The following ZNF658 variants were observed in gnomAD, a reference collection of about 807,000 sequenced individuals.
ZNF658 encodes zinc finger protein 658.
In ZNF658, 46 loss-of-function variants were observed where a neutral mutation model predicts 78.0. That is an observed-to-expected ratio of 0.59 (90% CI 0.47 to 0.75). ZNF658 has a LOEUF of 0.75. Ranked by LOEUF, ZNF658 falls within the 30% of genes least tolerant of loss-of-function variation. The pLI is 0.00. For synonymous variants in ZNF658, 279 were observed against 408.4 expected, an observed-to-expected ratio of 0.68 and a Z score of 3.82; for missense variants, 785 against 1,189.3, an observed-to-expected ratio of 0.66 and a Z score of 5.00.
intron 2 of ZNF658, among the ~76,000 whole-genome samples, chr9:66,905,168 C>T (rs866599063): frequency 1.6e-4 from 23 of 142,990 alleles, no homozygotes; most frequent in African/African-American, 3.4e-4. Context: ...CTCCACCTTC[C>T]GGGTTCAAGC....
chr9:66,929,483 A>T (rs1318026999), intron 6 of ZNF658, among the ~76,000 whole-genome samples: 1 of 149,382 alleles, frequency 6.7e-6, no homozygotes, highest in African/African-American at 2.5e-5. Flanking sequence ...CCTAAAATGT[A>T]TAGACAGCCT....
At chr9:66,908,825 G>A (rs1289138896) in intron 4 of ZNF658, 91 bp downstream of exon 4, 6 of 742,844 alleles carry the variant, frequency 8.1e-6, no homozygotes, top group Non-Finnish European at 1.4e-5. Flanking sequence ...CAGCTTTATT[G>A]AGATATAATT....
chr9:66,926,480 C>T (rs1267352907), intron 6 of ZNF658, among the ~76,000 whole-genome samples: 2 of 150,996 alleles, frequency 1.3e-5, no homozygotes, highest in East Asian at 1.9e-4. Flanking sequence ...ACAACATTAT[C>T]AAAAATAATC....
At chr9:66,932,035 A>AGAGG (rs977236312) in exon 7 of ZNF658, 1 of 118,176 alleles carries the variant, frequency 8.5e-6, no homozygotes, top group Non-Finnish European at 1.8e-5. Context: ...GGCTCAATGA[A>AGAGG]GAGGGAGTCA....
At position 66,914,356 on chromosome 9, in the gene ZNF658, T is replaced by G. The variant is rs1822284404; in HGVS notation, c.239-3449T>G. Among the ~76,000 whole-genome samples, 8 of 152,108 alleles carry G rather than the reference T, an allele frequency of 5.3e-5. No individual in the cohort carries two copies. The South Asian group carries it at 1.7e-3, about 32-fold the overall frequency. On this transcript the variant is annotated intron_variant, in intron 4 of 4. Coordinates refer to ENST00000621410, the MANE Select transcript of ZNF658 (RefSeq NM_033160.7). Reference sequence around the variant, plus strand: ...CATAGATTTGTATATTGGCCTTAGATTCTGCCCTTGCTAAAAACACTTATT... The same window carrying G: ...CATAGATTTGTATATTGGCCTTAGAGTCTGCCCTTGCTAAAAACACTTATT...
chr9:66,910,603 TG>T, intron 4 of ZNF658, among the ~76,000 whole-genome samples: 1 of 152,018 alleles, frequency 6.6e-6, no homozygotes, highest in Non-Finnish European at 1.5e-5. Flanking sequence ...GGTCAGGAGA[TG>T]GAGACCATCC....
intron 2 of ZNF658, among the ~76,000 whole-genome samples, chr9:66,906,949 T>A (rs1199298883): frequency 3.3e-5 from 5 of 152,078 alleles, no homozygotes; most frequent in Admixed American, 3.3e-4. Flanking sequence ...TCTTGGATCT[T>A]CAGTATCTTC....
At chr9:66,909,121 G>T (rs1391595467) in intron 4 of ZNF658, among the ~76,000 whole-genome samples, 3 of 151,950 alleles carry the variant, frequency 2.0e-5, no homozygotes, top group Non-Finnish European at 4.4e-5. Context: ...GGCATTTGTG[G>T]ATTTTGGTAT....
rs568776150 is a variant in ZNF658, at chr9:66,920,941, TA to T, written c.*207del. The T allele has an allele frequency of 0.11, 57,603 of 500,994 alleles. 1 individual carries two copies. Among genetic ancestry groups the T allele is most frequent in the South Asian group, 0.15 (5,607 of 37,406 alleles). The allele number at this position is 500,994 out of a possible 1,614,324, so 31.0% of individuals were successfully genotyped here. The stretch of plus-strand genomic sequence containing the variant: ...AAATATTACATTTACCCTTGGCCCT[TA>T]AAAAAAAAAAAGAAAAACCCTCACA... On this transcript the variant is annotated 3_prime_UTR_variant, in exon 5 of 5. Transcript: ENST00000621410.
At chr9:66,925,669 G>A (rs565742323), downstream of ZNF658, among the ~76,000 whole-genome samples, 3 of 152,008 alleles carry the variant, frequency 2.0e-5, no homozygotes, top group African/African-American at 7.2e-5. Flanking sequence ...ATTTAAAGAA[G>A]AATTAATACC....
intron 4 of ZNF658, 136 bp downstream of exon 4, chr9:66,908,870 G>A: frequency 4.9e-6 from 3 of 618,460 alleles, no homozygotes; most frequent in East Asian, 2.8e-5. Context: ...AAAGTGTACA[G>A]GTCAGTGACT....
At chr9:66,901,463 A>G (rs1324382401) in intron 1 of ZNF658, among the ~76,000 whole-genome samples, 3 of 151,318 alleles carry the variant, frequency 2.0e-5, no homozygotes, top group Admixed American at 6.6e-5. Context: ...ATCTGTGTAG[A>G]TGATTGTGAA....
intron 2 of ZNF658, among the ~76,000 whole-genome samples, chr9:66,905,830 T>C (rs1419978302): frequency 6.9e-6 from 1 of 145,418 alleles, no homozygotes; most frequent in East Asian, 2.0e-4. Flanking sequence ...TTTGACCATA[T>C]GTAACATAGT....
intron 6 of ZNF658, among the ~76,000 whole-genome samples, chr9:66,926,565 T>A (rs1310680925): frequency 7.1e-6 from 1 of 140,294 alleles, no homozygotes; most frequent in African/African-American, 2.6e-5. Flanking sequence ...TTAAGAAATT[T>A]AAAAGGACAC....
intron 6 of ZNF658, among the ~76,000 whole-genome samples, chr9:66,930,405 C>A (rs892064057): frequency 2.5e-4 from 36 of 144,728 alleles, no homozygotes; most frequent in African/African-American, 7.2e-4. Context: ...AAGACTTGAC[C>A]TCATTCCCTG....
At chr9:66,908,211 T>C (rs764986337) in intron 2 of ZNF658, 27 bp from the exon 3 acceptor site, 23 of 1,613,716 alleles carry the variant, frequency 1.4e-5, no homozygotes, top group African/African-American at 1.3e-4. Context: ...ACCATTGTTA[T>C]ATTTGTTGTG....
In ZNF658 at chr9:66,919,653, C is replaced by T. The variant is rs1587368244; in HGVS notation, c.2087C>T (p.Ala696Val). Residue 696 changes from alanine to valine, a missense_variant, in exon 5 of 5, where the codon GCC becomes GTC. Physicochemically the swap from Ala to Val is moderately conservative, Grantham distance 64 (BLOSUM62 0). Coordinates refer to ENST00000621410, the MANE Select transcript of ZNF658 (RefSeq NM_033160.7). ...YECSDCEKTFAHNSALKIHQR... is the reference protein window; with the variant it reads ...YECSDCEKTFVHNSALKIHQR... ...TGTAGTGACTGTGAGAAAACTTTTG[C>T]CCATAATTCAGCCCTCAAAATACAT... 3 of 1,611,238 alleles carry T rather than the reference C, an allele frequency of 1.9e-6. No individual in the cohort carries two copies. The East Asian group carries it at 6.7e-5, about 36-fold the overall frequency.
chr9:66,918,812 G>T lies in ZNF658; in HGVS notation c.1246G>T (p.Glu416Ter). Residue 416 changes from glutamate to a stop codon, truncating the protein, a stop_gained, in exon 5 of 5, where the codon GAA becomes TAA. Coordinates refer to ENST00000621410, the MANE Select transcript of ZNF658 (RefSeq NM_033160.7). LOFTEE classifies it high-confidence loss of function. Reference sequence around the variant, plus strand: ...AGGAGAGAAAACTTACCAATATGAGGAATGTGCAAAATCCTTTTGTTCAAG... The same window carrying T: ...AGGAGAGAAAACTTACCAATATGAGTAATGTGCAAAATCCTTTTGTTCAAG... The part of the protein sequence containing the change: ...HSGEKTYQYE[E>*]CAKSFCSSSH... 1 of 1,613,488 alleles carries T rather than the reference G, an allele frequency of 6.2e-7. No individual in the cohort carries two copies. Among genetic ancestry groups the T allele is most frequent in the Non-Finnish European group, 8.5e-7 (1 of 1,179,798 alleles).
Position 66,918,182 on chromosome 9 carries a change from T to G in ZNF658, c.616T>G (p.Trp206Gly). 1.2e-6 allele frequency: 2 copies of G among 1,607,292 alleles called. No homozygotes were observed. Among genetic ancestry groups the G allele is most frequent in the Non-Finnish European group, 1.7e-6 (2 of 1,177,596 alleles). The change falls in exon 5 of 5, where the codon TGG becomes GGG. Residue 206 changes from tryptophan to glycine, a missense_variant. Around this residue, in one of 12 missense-constraint regions of ZNF658, gnomAD observed 393 missense variants for 400.2 expected, o/e 0.98. Transcript: ENST00000621410. The stretch of plus-strand genomic sequence containing the variant: ...TTTCAGTTATAAGAAAGATCAGCAT[T>G]GGAAATTTCAAACTTTGGAGGAATC... ...KAFSYKKDQH[W>G]KFQTLEESFE...
Sources: gnomAD v4.1 joint callset for allele counts (sites outside exome capture counted in the v4.1 genomes callset) on GRCh38, gnomAD v4.1.1 for gene constraint, gnomAD v4.1.1 regional missense constraint, MANE v1.5 for transcripts, NCBI Gene and HGNC (gene_info 2026-07-23, HGNC 2026-07-21) for gene names.